The following BRAF variants were observed in gnomAD, a reference collection of about 807,000 sequenced individuals.
BRAF encodes serine/threonine-protein kinase B-raf.
In BRAF, 16 loss-of-function variants were observed where a neutral mutation model predicts 104.6. The observed-to-expected ratio is 0.15, with a 90% CI of 0.10 to 0.23. BRAF has a LOEUF of 0.23. BRAF is among the 10% of genes least tolerant of loss of function. The probability of loss-of-function intolerance (pLI) is 1.00; values close to 1 mark genes in which losing one functional copy is unlikely to be tolerated. For missense variants in BRAF, 541 were observed against 937.3 expected (o/e 0.58, Z 5.52); for synonymous variants, 310 against 341.6 (o/e 0.91, Z 1.02).
At chr7:140,781,548 T>A (rs188576768) in intron 12 of BRAF, 28 bp downstream of exon 11, 2 of 1,577,232 alleles carry the variant, frequency 1.3e-6, no homozygotes, top group Admixed American at 3.3e-5. Flanking sequence ...TTATGACTTG[T>A]CACAATGTCA....
intron 3 of BRAF, among the ~76,000 whole-genome samples, chr7:140,819,295 A>G (rs1347627320): frequency 6.6e-6 from 1 of 152,224 alleles, no homozygotes; most frequent in Non-Finnish European, 1.5e-5. Flanking sequence ...TCACATTACT[A>G]GTCATAAGGG....
chr7:140,828,355 C>T (rs1586315596), intron 3 of BRAF, among the ~76,000 whole-genome samples: 1 of 152,308 alleles, frequency 6.6e-6, no homozygotes, highest in East Asian at 1.9e-4. Context: ...GATACCTTAA[C>T]ATATCAGCTC....
At chr7:140,901,869 T>C (rs1057099522) in intron 1 of BRAF, among the ~76,000 whole-genome samples, 1 of 152,236 alleles carries the variant, frequency 6.6e-6, no homozygotes, top group Non-Finnish European at 1.5e-5. Context: ...TTTATTTATC[T>C]ACTTCTACCA....
chr7:140,841,251 A>G (rs1243991474), intron 2 of BRAF, among the ~76,000 whole-genome samples: 2 of 152,210 alleles, frequency 1.3e-5, no homozygotes, highest in Non-Finnish European at 2.9e-5. Context: ...AGGGTTGATG[A>G]GGATGGAGAG....
At chr7:140,812,312 G>C (rs1443659213) in intron 3 of BRAF, among the ~76,000 whole-genome samples, 1 of 151,914 alleles carries the variant, frequency 6.6e-6, no homozygotes, top group African/African-American at 2.4e-5. Flanking sequence ...TGAGTTCACT[G>C]AACTCAGCAT....
At chr7:140,847,892 T>G (rs1394498605) in intron 2 of BRAF, among the ~76,000 whole-genome samples, 1 of 152,150 alleles carries the variant, frequency 6.6e-6, no homozygotes, top group Non-Finnish European at 1.5e-5. Context: ...TGTGTGTGTA[T>G]GTACATGTGT....
At chr7:140,762,115 C>T (rs1352045378) in intron 14 of BRAF, among the ~76,000 whole-genome samples, 1 of 152,140 alleles carries the variant, frequency 6.6e-6, no homozygotes, top group East Asian at 1.9e-4. Context: ...CACACCTATT[C>T]CAAAACTGAC....
At chr7:140,903,745 G>A (rs186356477) in intron 1 of BRAF, among the ~76,000 whole-genome samples, 1 of 152,208 alleles carries the variant, frequency 6.6e-6, no homozygotes, top group Non-Finnish European at 1.5e-5. Flanking sequence ...TAATTCATGG[G>A]AGGAGGTAAA....
At position 140,726,265 on chromosome 7, in the gene BRAF, G is replaced by A; in HGVS notation, c.*229C>T. 7.1e-7 allele frequency: 1 copy of A among 1,403,498 alleles called. No individual in the cohort carries two copies. Among genetic ancestry groups the A allele is most frequent in the East Asian group, 2.6e-5 (1 of 38,148 alleles). 86.9% of individuals were successfully genotyped at this position (1,403,498 alleles called of 1,614,324 possible). A position where few individuals can be genotyped will look rare whatever the true frequency, so the allele number is the denominator to read the frequency against. On this transcript the variant is annotated 3_prime_UTR_variant, in exon 20 of 20. Coordinates refer to ENST00000644969, the MANE Select transcript of BRAF (RefSeq NM_001374258.1). ...TTCCTGGGACTGGGCAGACTTGTAT[G>A]CTCGTGGTATTTTTGTTGAAGAAAC...
At chr7:140,843,662 T>C (rs1187909721) in intron 2 of BRAF, among the ~76,000 whole-genome samples, 1 of 152,204 alleles carries the variant, frequency 6.6e-6, no homozygotes. Flanking sequence ...ATACAACACA[T>C]ACATATATAC....
At chr7:140,798,280 T>TTTTTTTTTTTTTTTG (rs1586200322) in intron 7 of BRAF, among the ~76,000 whole-genome samples, 2 of 146,260 alleles carry the variant, frequency 1.4e-5, no homozygotes, top group Admixed American at 6.9e-5. Flanking sequence ...TTCTTTTTTT[T>TTTTTTTTTTTTTTTG]GAGACGGAGT....
intron 2 of BRAF, among the ~76,000 whole-genome samples, chr7:140,848,497 T>C (rs1424079236): frequency 1.3e-5 from 2 of 152,202 alleles, no homozygotes; most frequent in Non-Finnish European, 2.9e-5. Flanking sequence ...CTTCAAATAG[T>C]AAAAAGCCTG....
intron 14 of BRAF, among the ~76,000 whole-genome samples, chr7:140,762,034 G>C (rs1049110163): frequency 7.9e-5 from 12 of 152,148 alleles, no homozygotes; most frequent in Admixed American, 2.6e-4. Context: ...CTGCACCAAG[G>C]GGACCTAATA....
intron 1 of BRAF, among the ~76,000 whole-genome samples, chr7:140,911,713 T>C (rs1225907265): frequency 2.0e-5 from 3 of 152,186 alleles, no homozygotes; most frequent in Admixed American, 1.3e-4. Context: ...TTATTCTACA[T>C]AGAAAAACCA....
chr7:140,875,532 C>A (rs935563270), intron 1 of BRAF, among the ~76,000 whole-genome samples: 1 of 152,158 alleles, frequency 6.6e-6, no homozygotes, highest in Non-Finnish European at 1.5e-5. Flanking sequence ...CCCGCGAACA[C>A]GCCTGGCTAA....
intron 14 of BRAF, among the ~76,000 whole-genome samples, chr7:140,769,957 G>C (rs28481617): frequency 0.028 from 4,194 of 152,224 alleles, 205 homozygotes; most frequent in African/African-American, 0.094. Context: ...GTTTCTTGGG[G>C]TTAGAATAAG....
At chr7:140,762,801 T>C (rs1034067532) in intron 14 of BRAF, among the ~76,000 whole-genome samples, 4 of 152,082 alleles carry the variant, frequency 2.6e-5, no homozygotes, top group African/African-American at 7.2e-5. Flanking sequence ...TAGGGAGTGG[T>C]GATGACTCTT....
At chr7:140,749,163 A>T in intron 17 of BRAF, 124 bp downstream of exon 16, 1 of 1,355,046 alleles carries the variant, frequency 7.4e-7, no homozygotes. Context: ...CGATTTCTAA[A>T]ACTGGTAACA....
At position 140,787,295 on chromosome 7, in the gene BRAF, C is replaced by T. The variant is rs562738787; in HGVS notation, c.1177+253G>A. On this transcript the variant is annotated intron_variant, in intron 9 of 19. Transcript: ENST00000644969. The stretch of plus-strand genomic sequence containing the variant: ...CAACCTGGGCGACAGAGCGAGACTC[C>T]GTCTCAAAAAAAAAAAAAAAAAAAA... 1.7e-4 allele frequency among the ~76,000 whole-genome samples: 20 copies of T among 115,694 alleles called. No homozygotes were observed. In the South Asian group the frequency reaches 3.3e-3, roughly 19 times the overall value. 75.9% of individuals were successfully genotyped at this position (115,694 alleles called of 152,430 possible). A position where few individuals can be genotyped will look rare whatever the true frequency, so the allele number is the denominator to read the frequency against.
Sources: gnomAD v4.1 joint callset for allele counts (sites outside exome capture counted in the v4.1 genomes callset) on GRCh38, gnomAD v4.1.1 for gene constraint, MANE v1.5 for transcripts, NCBI Gene and HGNC (gene_info 2026-07-23, HGNC 2026-07-21) for gene names.